Variants in PRKG1 observed in about 807,000 individuals in gnomAD.
PRKG1 encodes the protein cGMP-dependent protein kinase 1.
Under a neutral mutation model 88.1 loss-of-function variants are expected in PRKG1, and 35 were observed. The ratio of observed to expected loss-of-function variants is 0.40; its 90% CI spans 0.30 to 0.53. PRKG1 has a LOEUF of 0.53. PRKG1 is among the 20% of genes least tolerant of loss of function. The pLI, the probability that PRKG1 is intolerant of heterozygous loss-of-function variation, is 0.59. For synonymous variants in PRKG1, 303 were observed against 292.5 expected, an observed-to-expected ratio of 1.04 and a Z score of -0.37; for missense variants, 540 against 839.8, an observed-to-expected ratio of 0.64 and a Z score of 4.41.
intron 3 of PRKG1, among the ~76,000 whole-genome samples, chr10:51,738,889 C>T (rs1333229534): frequency 1.3e-5 from 2 of 152,038 alleles, no homozygotes; most frequent in African/African-American, 4.8e-5. Flanking sequence ...TTTGTTTTGT[C>T]TTCTAAGTTA....
At chr10:51,953,799 A>G (rs1019226111) in intron 5 of PRKG1, among the ~76,000 whole-genome samples, 38 of 151,992 alleles carry the variant, frequency 2.5e-4, no homozygotes, top group Admixed American at 7.2e-4. Context: ...GCCATTATTT[A>G]TTTCAAATTC....
intron 2 of PRKG1, among the ~76,000 whole-genome samples, chr10:51,211,557 C>A (rs935179092): frequency 6.6e-6 from 1 of 152,122 alleles, no homozygotes; most frequent in African/African-American, 2.4e-5. Context: ...GATTGTATAT[C>A]TAGAAAACCC....
intron 5 of PRKG1, among the ~76,000 whole-genome samples, chr10:51,947,463 G>GTCTTC (rs1843074232): frequency 2.4e-4 from 29 of 122,474 alleles, no homozygotes; most frequent in Admixed American, 1.7e-3. Flanking sequence ...ATGGTGCGCT[G>GTCTTC]CACCCACTGT....
intron 2 of PRKG1, among the ~76,000 whole-genome samples, chr10:51,341,365 G>A (rs1038411332): frequency 6.6e-6 from 1 of 152,204 alleles, no homozygotes; most frequent in Non-Finnish European, 1.5e-5. Flanking sequence ...CTGCGGTTGA[G>A]CAAAGGCTGA....
At chr10:51,093,536 T>A (rs926988689) in intron 1 of PRKG1, among the ~76,000 whole-genome samples, 3 of 151,940 alleles carry the variant, frequency 2.0e-5, no homozygotes, top group African/African-American at 7.3e-5. Flanking sequence ...AAATGCTTTG[T>A]TTTATGGTAT....
chr10:52,162,526 T>C (rs1838303453), intron 9 of PRKG1, among the ~76,000 whole-genome samples: 2 of 152,060 alleles, frequency 1.3e-5, no homozygotes, highest in African/African-American at 4.8e-5. Context: ...TTCTGCAAAA[T>C]TATTATTTTT....
chr10:52,250,770 T>A (rs1291248493), intron 9 of PRKG1, among the ~76,000 whole-genome samples: 1 of 152,176 alleles, frequency 6.6e-6, no homozygotes, highest in East Asian at 1.9e-4. Context: ...GCAGCTCATA[T>A]TCACTTGTCT....
intron 2 of PRKG1, among the ~76,000 whole-genome samples, chr10:51,192,276 T>G (rs548051499): frequency 6.6e-6 from 1 of 152,022 alleles, no homozygotes; most frequent in South Asian, 2.1e-4. Flanking sequence ...AAATCCATAA[T>G]ATTTAATGAA....
intron 3 of PRKG1, among the ~76,000 whole-genome samples, chr10:51,783,833 AT>A (rs1564645267): frequency 6.6e-6 from 1 of 152,152 alleles, no homozygotes; most frequent in East Asian, 1.9e-4. Context: ...CAATAAAAAC[AT>A]TGTTTTGCAA....
chr10:51,584,886 T>A (rs1356673203), intron 3 of PRKG1, among the ~76,000 whole-genome samples: 1 of 152,062 alleles, frequency 6.6e-6, no homozygotes, highest in East Asian at 1.9e-4. Flanking sequence ...CAAACAAAAC[T>A]CTATAATAGC....
chr10:51,716,560 C>T (rs1038550758), intron 3 of PRKG1, among the ~76,000 whole-genome samples: 13 of 152,190 alleles, frequency 8.5e-5, no homozygotes, highest in African/African-American at 2.9e-4. Context: ...AGTGAGCATA[C>T]AGATTAGCCT....
chr10:51,930,276 A>G (rs916050989), intron 5 of PRKG1, among the ~76,000 whole-genome samples: 3 of 152,138 alleles, frequency 2.0e-5, no homozygotes, highest in Non-Finnish European at 4.4e-5. Context: ...AGAGAGTTTC[A>G]GTTTTACAGA....
intron 3 of PRKG1, among the ~76,000 whole-genome samples, chr10:51,573,879 G>C (rs761314799): frequency 6.6e-6 from 1 of 151,870 alleles, no homozygotes; most frequent in Admixed American, 6.6e-5. Context: ...AGTGGTTTTC[G>C]ATTAGCATTA....
chr10:51,678,881 T>C (rs1840775456), intron 3 of PRKG1, among the ~76,000 whole-genome samples: 1 of 152,218 alleles, frequency 6.6e-6, no homozygotes, highest in Non-Finnish European at 1.5e-5. Context: ...ACATCAGTTA[T>C]TATCTTGGGA....
chr10:52,218,007 T>A (rs1840153277), intron 9 of PRKG1, among the ~76,000 whole-genome samples: 1 of 150,872 alleles, frequency 6.6e-6, no homozygotes, highest in South Asian at 2.1e-4. Context: ...AGGTCAGGAG[T>A]TCAAGACCAG....
At chr10:52,071,854 A>G (rs1000399239) in intron 7 of PRKG1, among the ~76,000 whole-genome samples, 7 of 152,214 alleles carry the variant, frequency 4.6e-5, no homozygotes, top group African/African-American at 1.7e-4. Context: ...TAACTTGAAG[A>G]TAACATTGAA....
At chr10:51,769,871 A>G (rs1380542933) in intron 3 of PRKG1, among the ~76,000 whole-genome samples, 2 of 152,210 alleles carry the variant, frequency 1.3e-5, no homozygotes, top group Admixed American at 6.5e-5. Flanking sequence ...AAAAACAAAA[A>G]CAAAAAGCAG....
chr10:51,900,603 T>C (rs1007841254), intron 4 of PRKG1, among the ~76,000 whole-genome samples: 1 of 152,202 alleles, frequency 6.6e-6, no homozygotes, highest in Non-Finnish European at 1.5e-5. Flanking sequence ...CTTCAAGTAT[T>C]AGAAAGCTTT....
intron 9 of PRKG1, among the ~76,000 whole-genome samples, chr10:52,169,213 C>T (rs1838589100): frequency 6.6e-6 from 1 of 152,094 alleles, no homozygotes; most frequent in Admixed American, 6.6e-5. Flanking sequence ...CAAGAATAGA[C>T]TATGTGTTTT....
Sources: allele counts gnomAD v4.1 joint callset (sites outside exome capture counted in the v4.1 genomes callset), GRCh38; gene constraint gnomAD v4.1.1; transcripts MANE v1.5; gene names NCBI Gene and HGNC (gene_info 2026-07-23, HGNC 2026-07-21).